Variants in PARD3B observed in about 807,000 individuals in gnomAD.
The protein encoded by PARD3B is par-3 family cell polarity regulator beta.
PARD3B carries 103 observed loss-of-function variants against 130.2 expected under a neutral mutation model. The ratio of observed to expected loss-of-function variants is 0.79; its 90% CI spans 0.67 to 0.93. The LOEUF is 0.93. PARD3B is among the 40% of genes least tolerant of loss of function. The pLI is 0.00. For synonymous variants in PARD3B, 583 were observed against 553.2 expected, an observed-to-expected ratio of 1.05 and a Z score of -0.76; for missense variants, 1,609 against 1,499.2, an observed-to-expected ratio of 1.07 and a Z score of -1.21.
intron 2 of PARD3B, among the ~76,000 whole-genome samples, chr2:204,946,693 G>T (rs1689352589): frequency 6.6e-6 from 1 of 152,174 alleles, no homozygotes; most frequent in Non-Finnish European, 1.5e-5. Flanking sequence ...AAATAATAAG[G>T]AATTGGCTCA....
At chr2:205,260,464 G>A (rs1021683110) in intron 16 of PARD3B, among the ~76,000 whole-genome samples, 2 of 152,090 alleles carry the variant, frequency 1.3e-5, no homozygotes, top group Non-Finnish European at 2.9e-5. Context: ...TCTCATTCAT[G>A]GTGACTTTTT....
chr2:205,452,077 G>T (rs1245752144), intron 20 of PARD3B, among the ~76,000 whole-genome samples: 3 of 152,176 alleles, frequency 2.0e-5, no homozygotes, highest in Admixed American at 1.3e-4. Flanking sequence ...GGCAATGAGG[G>T]ATAGAAAAAG....
chr2:204,717,859 G>A (rs2038806860), intron 2 of PARD3B, among the ~76,000 whole-genome samples: 1 of 152,170 alleles, frequency 6.6e-6, no homozygotes, highest in Non-Finnish European at 1.5e-5. Context: ...AACCAGGGAA[G>A]GGATAGCTTC....
chr2:204,555,684 T>C (rs1307542331), intron 1 of PARD3B, among the ~76,000 whole-genome samples: 1 of 152,214 alleles, frequency 6.6e-6, no homozygotes, highest in African/African-American at 2.4e-5. Context: ...CCTCATCATC[T>C]ACCACACAGC....
chr2:204,563,129 T>C (rs1057277422), intron 1 of PARD3B, among the ~76,000 whole-genome samples: 1 of 152,164 alleles, frequency 6.6e-6, no homozygotes, highest in African/African-American at 2.4e-5. Flanking sequence ...TTCTTGCTTC[T>C]TCCAGCTTCT....
At chr2:204,917,181 G>A (rs1234072212) in intron 2 of PARD3B, among the ~76,000 whole-genome samples, 1 of 152,174 alleles carries the variant, frequency 6.6e-6, no homozygotes, top group Non-Finnish European at 1.5e-5. Flanking sequence ...GGGAGCTAAT[G>A]AGGAGTTGGT....
At chr2:205,471,654 C>T (rs964348921) in intron 20 of PARD3B, among the ~76,000 whole-genome samples, 8 of 152,114 alleles carry the variant, frequency 5.3e-5, no homozygotes, top group African/African-American at 7.2e-5. Flanking sequence ...TGAGCCACCA[C>T]GCCCGGCCCT....
intron 12 of PARD3B, among the ~76,000 whole-genome samples, chr2:205,174,191 G>C (rs888629890): frequency 6.6e-6 from 1 of 152,110 alleles, no homozygotes; most frequent in Non-Finnish European, 1.5e-5. Context: ...CACACTCTGG[G>C]TAGATTGGCG....
chr2:205,054,404 T>A (rs199812330), intron 4 of PARD3B, among the ~76,000 whole-genome samples: 2,148 of 33,714 alleles, frequency 0.064, 200 homozygotes, highest in Middle Eastern at 0.12. Context: ...GACATGTCTT[T>A]TATATATATA....
chr2:205,021,916 A>G lies in PARD3B; in HGVS notation c.395-25665A>G, dbSNP rs540985769. ...ATGTGGTCAAACACCTTTTACTTTT[A>G]TTAGGAGAAAATGGAAAAGAAAATC... On this transcript the variant is annotated intron_variant, in intron 3 of 22. Transcript: ENST00000406610. This position sits in a 1 kb window ranked among gnomAD's most constrained non-coding sequence, Gnocchi z 4.5. 3.6e-4 allele frequency among the ~76,000 whole-genome samples: 55 copies of G among 152,224 alleles called. No homozygotes were observed. The highest frequency in any genetic ancestry group is 9.6e-4 in the African/African-American group (40 of 41,542).
At chr2:205,383,455 T>C (rs35655292) in intron 18 of PARD3B, among the ~76,000 whole-genome samples, 84,719 of 151,916 alleles carry the variant, frequency 0.56, 27,151 homozygotes, top group South Asian at 0.76. Flanking sequence ...AGCTTTGTGG[T>C]ATTTTCTCAA....
chr2:204,905,887 A>T (rs1329382163), intron 2 of PARD3B, among the ~76,000 whole-genome samples: 4 of 152,184 alleles, frequency 2.6e-5, no homozygotes, highest in African/African-American at 4.8e-5. Flanking sequence ...CTAACACCTG[A>T]AAACATTCCT....
At chr2:204,590,083 C>T (rs1395608287) in intron 1 of PARD3B, among the ~76,000 whole-genome samples, 1 of 152,058 alleles carries the variant, frequency 6.6e-6, no homozygotes, top group Non-Finnish European at 1.5e-5. Flanking sequence ...AACAAATATG[C>T]CATTATTATC....
At position 205,463,875 on chromosome 2, in the gene PARD3B, AAGC is replaced by A. The variant is rs1380197100; in HGVS notation, c.3044+23207_3044+23209del. On this transcript the variant is annotated intron_variant, in intron 20 of 22. Transcript: ENST00000406610. This position sits in a 1 kb window ranked among gnomAD's most constrained non-coding sequence, Gnocchi z 4.8. ...CCTTAGGGACTTTGCTTTGGAGTAAAAGCAGCCGAGTAGGAAAATGGACTAGAA... is the reference window on the plus strand; with the variant it reads ...CCTTAGGGACTTTGCTTTGGAGTAAAAGCCGAGTAGGAAAATGGACTAGAA... Among the ~76,000 whole-genome samples the A allele has an allele frequency of 3.9e-5, 6 of 152,152 alleles. No individual in the cohort carries two copies. Among genetic ancestry groups the A allele is most frequent in the Non-Finnish European group, 7.3e-5 (5 of 68,028 alleles).
At chr2:204,788,675 A>T (rs1367780048) in intron 2 of PARD3B, among the ~76,000 whole-genome samples, 1 of 152,230 alleles carries the variant, frequency 6.6e-6, no homozygotes, top group Non-Finnish European at 1.5e-5. Context: ...GGTCCAGCAC[A>T]AATCACTTAA....
chr2:204,681,284 AG>A (rs1247456457), intron 1 of PARD3B, among the ~76,000 whole-genome samples: 1 of 152,142 alleles, frequency 6.6e-6, no homozygotes, highest in Non-Finnish European at 1.5e-5. Flanking sequence ...TAGATCTGGA[AG>A]TAAATATATG....
intron 19 of PARD3B, among the ~76,000 whole-genome samples, chr2:205,437,499 A>G (rs1257978324): frequency 6.6e-6 from 1 of 152,190 alleles, no homozygotes; most frequent in Non-Finnish European, 1.5e-5. Flanking sequence ...TGTGTTGTCC[A>G]ATATAGTAGT....
intron 22 of PARD3B, among the ~76,000 whole-genome samples, chr2:205,610,831 C>G (rs2055203401): frequency 1.3e-5 from 2 of 152,192 alleles, no homozygotes; most frequent in Admixed American, 1.3e-4. Context: ...CCATCAATCC[C>G]TGGCTCCCAA....
At chr2:205,023,844 G>A (rs903332684) in intron 3 of PARD3B, among the ~76,000 whole-genome samples, 14 of 151,964 alleles carry the variant, frequency 9.2e-5, no homozygotes, top group African/African-American at 3.4e-4. Flanking sequence ...ATTTACTTCG[G>A]CAGCTCCAGA....
Sources: allele counts gnomAD v4.1 joint callset (sites outside exome capture counted in the v4.1 genomes callset), GRCh38; gene constraint gnomAD v4.1.1; non-coding constraint Gnocchi (gnomAD v3.1); transcripts MANE v1.5; gene names NCBI Gene and HGNC (gene_info 2026-07-23, HGNC 2026-07-21).